The following CYTH4 variants were observed in gnomAD, a reference collection of about 807,000 sequenced individuals.
The protein encoded by CYTH4 is cytohesin-4.
A neutral mutation model predicts 57.5 loss-of-function variants in CYTH4; 22 were observed. That is an observed-to-expected ratio of 0.38 (90% CI 0.27 to 0.55). The LOEUF (loss-of-function observed/expected upper bound fraction) is 0.55, where lower values mean the gene tolerates loss of function less well. CYTH4 is among the 20% of genes least tolerant of loss of function. The pLI is 0.74. For synonymous variants in CYTH4, 186 were observed against 206.5 expected, an observed-to-expected ratio of 0.90 and a Z score of 0.85; for missense variants, 420 against 535.6, an observed-to-expected ratio of 0.78 and a Z score of 2.13.
intron 1 of CYTH4, among the ~76,000 whole-genome samples, chr22:37,291,359 AAGG>A (rs1244741209): frequency 2.6e-5 from 4 of 152,168 alleles, no homozygotes; most frequent in Admixed American, 1.3e-4. Flanking sequence ...TAATCATGAG[AAGG>A]AGAAGTAGGG....
chr22:37,300,697 C>T (rs1387980207), intron 6 of CYTH4, among the ~76,000 whole-genome samples: 9 of 152,230 alleles, frequency 5.9e-5, no homozygotes, highest in Admixed American at 5.2e-4. Flanking sequence ...TGCTTAGTTC[C>T]GTATTCTGCA....
chr22:37,304,220 AAAG>A (rs1008009641), intron 8 of CYTH4: 10 of 456,594 alleles, frequency 2.2e-5, no homozygotes, highest in African/African-American at 1.0e-4. Context: ...GACATTTCAA[AAAG>A]AAGAAGTGGC....
intron 4 of CYTH4, chr22:37,296,299 C>T (rs563720578): frequency 5.5e-5 from 31 of 567,578 alleles, no homozygotes; most frequent in African/African-American, 2.3e-4. Flanking sequence ...GAGGAGGCCA[C>T]GGTGTCCATG....
At chr22:37,309,662 T>C (rs1186948472) in intron 9 of CYTH4, among the ~76,000 whole-genome samples, 4 of 152,164 alleles carry the variant, frequency 2.6e-5, no homozygotes, top group Non-Finnish European at 4.4e-5. Context: ...GGAAGTACCA[T>C]TTGTTCAGAA....
chr22:37,284,936 G>T (rs555716761), intron 1 of CYTH4, among the ~76,000 whole-genome samples: 1 of 141,366 alleles, frequency 7.1e-6, no homozygotes, highest in African/African-American at 2.5e-5. Flanking sequence ...GAGCCAGCTC[G>T]GCTGGGGCGG....
intron 1 of CYTH4, among the ~76,000 whole-genome samples, chr22:37,291,238 G>A (rs1471712829): frequency 6.6e-6 from 1 of 152,190 alleles, no homozygotes; most frequent in East Asian, 1.9e-4. Context: ...GGTGGGCCAG[G>A]TGAACATGAT....
At chr22:37,303,725 C>T (rs1929282515) in intron 8 of CYTH4, among the ~76,000 whole-genome samples, 1 of 152,206 alleles carries the variant, frequency 6.6e-6, no homozygotes, top group South Asian at 2.1e-4. Context: ...TCACACAGCC[C>T]AGGTCTATTT....
chr22:37,312,607 G>T (rs533818306), intron 12 of CYTH4, among the ~76,000 whole-genome samples: 11 of 152,332 alleles, frequency 7.2e-5, no homozygotes, highest in Middle Eastern at 3.4e-3. Flanking sequence ...ACAGCATCCC[G>T]GAGTCCGAGT....
intron 9 of CYTH4, 58 bp downstream of exon 9, chr22:37,309,381 A>G: frequency 2.1e-6 from 3 of 1,447,088 alleles, no homozygotes; most frequent in Non-Finnish European, 2.9e-6. Context: ...GCGGGCACAC[A>G]TCGTTGCATG....
At chr22:37,283,093 T>C (rs1236814789) in intron 1 of CYTH4, among the ~76,000 whole-genome samples, 2 of 152,180 alleles carry the variant, frequency 1.3e-5, no homozygotes, top group African/African-American at 4.8e-5. Context: ...ATGTTGGTGA[T>C]GGCGATGCTT....
At chr22:37,283,637 G>A (rs893966710) in intron 1 of CYTH4, among the ~76,000 whole-genome samples, 7 of 151,292 alleles carry the variant, frequency 4.6e-5, no homozygotes, top group Non-Finnish European at 8.8e-5. Flanking sequence ...AGCCCCCCCA[G>A]TGGCAGAAGG....
rs912197134 is a variant in CYTH4, at chr22:37,315,133, G to C, written c.*1622G>C. 3 of 152,426 alleles carry C rather than the reference G, an allele frequency of 2.0e-5. No homozygotes were observed. Among genetic ancestry groups the C allele is most frequent in the African/African-American group, 7.2e-5 (3 of 41,446 alleles). The allele number at this position is 152,426 out of a possible 1,614,324, so 9.4% of individuals were successfully genotyped here. A position where few individuals can be genotyped will look rare whatever the true frequency, so the allele number is the denominator to read the frequency against. ...TCATTGGTCCATGAAGGAGCAGCCA[G>C]GGGTGGTGGAAGGAGCACTGGGCTA... is the stretch of plus-strand genomic sequence containing the variant. On this transcript the variant is annotated 3_prime_UTR_variant, in exon 13 of 13. Coordinates refer to ENST00000248901, the MANE Select transcript of CYTH4 (RefSeq NM_013385.5).
rs1929649504 is a variant in CYTH4, at chr22:37,311,679, C to G, written c.957+152C>G. ...GGCTCAGGGCTGCCTTCTCTCCCTC[C>G]TGGGGCCATGGACAGTGAGAAAAGG... On this transcript the variant is annotated intron_variant, in intron 11 of 12. Coordinates refer to ENST00000248901, the MANE Select transcript of CYTH4 (RefSeq NM_013385.5). The surrounding 1 kb of genome is among the most constrained non-coding windows in gnomAD (Gnocchi z 4.4). The G allele has an allele frequency of 2.6e-6, 2 of 782,684 alleles. No individual in the cohort carries two copies. The highest frequency in any genetic ancestry group is 4.8e-5 in the Admixed American group (2 of 41,698). The allele number at this position is 782,684 out of a possible 1,614,324, so 48.5% of individuals were successfully genotyped here. A position where few individuals can be genotyped will look rare whatever the true frequency, so the allele number is the denominator to read the frequency against.
chr22:37,292,841 C>T, intron 2 of CYTH4, 138 bp downstream of exon 2: 1 of 760,648 alleles, frequency 1.3e-6, no homozygotes, highest in South Asian at 1.9e-5. Flanking sequence ...GGCCCCAGCC[C>T]CAGGAGCAGG....
rs1056187508 is a variant in CYTH4 at position 37,314,342 on chromosome 22, G to A, written c.*831G>A. On this transcript the variant is annotated 3_prime_UTR_variant, in exon 13 of 13. Transcript: ENST00000248901. Reference sequence around the variant, plus strand: ...CCACCTTCCAGGATGTCCATTTCGGGGAGAGGAGCAGGTGGGACCCTCAAG... The same window carrying A: ...CCACCTTCCAGGATGTCCATTTCGGAGAGAGGAGCAGGTGGGACCCTCAAG... 13 of 398,678 alleles carry A rather than the reference G, an allele frequency of 3.3e-5. No homozygotes were observed. The highest frequency in any genetic ancestry group is 1.3e-4 in the South Asian group (1 of 7,862). 24.7% of individuals were successfully genotyped at this position (398,678 alleles called of 1,614,324 possible).
At chr22:37,303,530 C>T (rs1929276483) in intron 8 of CYTH4, 128 bp downstream of exon 8, 1 of 1,313,912 alleles carries the variant, frequency 7.6e-7, no homozygotes, top group Non-Finnish European at 1.0e-6. Flanking sequence ...TGATATGGCC[C>T]ACCCAGGCTG....
At chr22:37,288,336 C>G (rs780346360) in intron 1 of CYTH4, among the ~76,000 whole-genome samples, 1 of 151,960 alleles carries the variant, frequency 6.6e-6, no homozygotes, top group Non-Finnish European at 1.5e-5. Context: ...CCCTTGAGCC[C>G]GGGAGGCAGA....
chr22:37,285,988 GA>G (rs1928543969), intron 1 of CYTH4, among the ~76,000 whole-genome samples: 1 of 152,132 alleles, frequency 6.6e-6, no homozygotes, highest in South Asian at 2.1e-4. Flanking sequence ...AAGGGAGTAT[GA>G]AAGGAGCTGT....
intron 1 of CYTH4, among the ~76,000 whole-genome samples, chr22:37,286,408 A>C (rs1928563225): frequency 6.6e-6 from 1 of 152,108 alleles, no homozygotes; most frequent in South Asian, 2.1e-4. Flanking sequence ...TGGTTGTGGG[A>C]TTCAATGAGA....
Sources: gnomAD v4.1 joint callset for allele counts (sites outside exome capture counted in the v4.1 genomes callset) on GRCh38, gnomAD v4.1.1 for gene constraint, Gnocchi (gnomAD v3.1) non-coding constraint, MANE v1.5 for transcripts, NCBI Gene and HGNC (gene_info 2026-07-23, HGNC 2026-07-21) for gene names.